The following RORB variants were observed in gnomAD, a reference collection of about 807,000 sequenced individuals.
The protein encoded by RORB is nuclear receptor ROR-beta.
In RORB, 6 loss-of-function variants were observed where a neutral mutation model predicts 59.1. That is an observed-to-expected ratio of 0.10 (90% CI 0.06 to 0.20). The LOEUF (loss-of-function observed/expected upper bound fraction) is 0.20. Ranked by LOEUF, RORB falls within the 10% of genes least tolerant of loss-of-function variation. RORB has a pLI of 1.00. For missense variants in RORB, 320 were observed against 560.5 expected (o/e 0.57, Z 4.33); for synonymous variants, 215 against 204.5 (o/e 1.05, Z -0.44).
At chr9:74,524,793 A>T (rs763358229) in intron 1 of RORB, among the ~76,000 whole-genome samples, 1 of 151,868 alleles carries the variant, frequency 6.6e-6, no homozygotes, top group Non-Finnish European at 1.5e-5. Context: ...TAAAAGTATT[A>T]TATAGCCTGC....
chr9:74,581,100 C>CT (rs1822716386), intron 1 of RORB, among the ~76,000 whole-genome samples: 1 of 152,138 alleles, frequency 6.6e-6, no homozygotes, highest in Non-Finnish European at 1.5e-5. Context: ...CATAATTTCT[C>CT]TGTGTCCCTA....
chr9:74,681,751 C>G (rs937809534), intron 9 of RORB, among the ~76,000 whole-genome samples: 1 of 152,158 alleles, frequency 6.6e-6, no homozygotes. Flanking sequence ...CAGTCACCCT[C>G]TTATACATTT....
chr9:74,560,050 G>A (rs186409752), intron 1 of RORB, among the ~76,000 whole-genome samples: 2 of 152,220 alleles, frequency 1.3e-5, no homozygotes, highest in East Asian at 1.9e-4. Flanking sequence ...AAAAACTAAA[G>A]CAAAGCTATT....
intron 1 of RORB, among the ~76,000 whole-genome samples, chr9:74,593,619 A>G (rs756450706): frequency 5.3e-5 from 8 of 152,178 alleles, no homozygotes; most frequent in African/African-American, 1.2e-4. Flanking sequence ...TTTATTCTAC[A>G]TTACACATAA....
intron 1 of RORB, among the ~76,000 whole-genome samples, chr9:74,597,430 C>T (rs930851366): frequency 1.3e-5 from 2 of 152,206 alleles, no homozygotes; most frequent in African/African-American, 4.8e-5. Context: ...GAAACATGCA[C>T]AGAATAAATG....
intron 1 of RORB, among the ~76,000 whole-genome samples, chr9:74,554,469 T>C (rs913789784): frequency 6.6e-6 from 1 of 151,504 alleles, no homozygotes; most frequent in Non-Finnish European, 1.5e-5. Flanking sequence ...AAAAGCTGCA[T>C]AAATAATGAG....
intron 1 of RORB, among the ~76,000 whole-genome samples, chr9:74,509,078 T>C (rs1014882036): frequency 1.8e-4 from 28 of 152,074 alleles, no homozygotes; most frequent in Non-Finnish European, 1.5e-5. Context: ...ACCAGTGTTT[T>C]GACCACATGA....
At chr9:74,625,364 A>T (rs1823493359) in intron 1 of RORB, among the ~76,000 whole-genome samples, 1 of 152,226 alleles carries the variant, frequency 6.6e-6, no homozygotes, top group Non-Finnish European at 1.5e-5. Flanking sequence ...CTGTAATTCC[A>T]GCCCTTTGGG....
intron 9 of RORB, among the ~76,000 whole-genome samples, chr9:74,684,652 A>G (rs1824607189): frequency 6.6e-6 from 1 of 152,222 alleles, no homozygotes; most frequent in Non-Finnish European, 1.5e-5. Flanking sequence ...TACATGATAC[A>G]TATATCAAAA....
chr9:74,599,742 AGG>A (rs1823025894), intron 1 of RORB, among the ~76,000 whole-genome samples: 1 of 152,226 alleles, frequency 6.6e-6, no homozygotes, highest in South Asian at 2.1e-4. Context: ...GAGTCGTGGC[AGG>A]GCCAGAACTC....
intron 1 of RORB, among the ~76,000 whole-genome samples, chr9:74,526,707 G>A (rs1826160920): frequency 6.6e-6 from 1 of 151,892 alleles, no homozygotes; most frequent in Non-Finnish European, 1.5e-5. Flanking sequence ...TTAAAATTGT[G>A]TAGTTATAAC....
intron 1 of RORB, among the ~76,000 whole-genome samples, chr9:74,514,368 C>T (rs1378895578): frequency 2.0e-5 from 3 of 151,976 alleles, no homozygotes; most frequent in Non-Finnish European, 4.4e-5. Flanking sequence ...GTTGTTCTGA[C>T]ATTGTAGCAT....
At chr9:74,635,113 G>A (rs963088992) in intron 3 of RORB, among the ~76,000 whole-genome samples, 2 of 152,096 alleles carry the variant, frequency 1.3e-5, no homozygotes, top group African/African-American at 4.8e-5. Context: ...AGATAATACC[G>A]GAAAGTCCTA....
chr9:74,503,732 C>G (rs1347838703), intron 1 of RORB, among the ~76,000 whole-genome samples: 2 of 152,000 alleles, frequency 1.3e-5, no homozygotes, highest in East Asian at 3.8e-4. Flanking sequence ...TGAAGGATGT[C>G]TCCTTTGTAG....
intron 1 of RORB, among the ~76,000 whole-genome samples, chr9:74,508,978 T>C (rs1321136769): frequency 2.6e-5 from 4 of 152,038 alleles, no homozygotes; most frequent in East Asian, 1.9e-4. Flanking sequence ...TAATCAACTA[T>C]GGCATTAATA....
chr9:74,601,376 T>C (rs1003590831), intron 1 of RORB, among the ~76,000 whole-genome samples: 2 of 148,622 alleles, frequency 1.3e-5, no homozygotes, highest in Admixed American at 1.3e-4. Context: ...GTGAATTATA[T>C]ATATATTATA....
rs1824743261 is a variant in RORB at position 74,691,699 on chromosome 9, G to C, written c.*6081G>C. ...GACTTTGTAACAATTTTTTTAGAGG[G>C]GGAAAATCAACAAAGAGCAAATATG... On this transcript the variant is annotated 3_prime_UTR_variant, in exon 10 of 10. Transcript: ENST00000376896. 1 of 152,010 alleles carries C rather than the reference G, an allele frequency of 6.6e-6. No homozygotes were observed. The highest frequency in any genetic ancestry group is 2.4e-5 in the African/African-American group (1 of 41,378). The allele number at this position is 152,010 out of a possible 1,614,324, so 9.4% of individuals were successfully genotyped here.
chr9:74,532,983 G>A (rs1178477704), intron 1 of RORB, among the ~76,000 whole-genome samples: 2 of 151,600 alleles, frequency 1.3e-5, no homozygotes, highest in East Asian at 3.9e-4. Flanking sequence ...TAAAAAGTTA[G>A]GAGATTGGGG....
intron 1 of RORB, among the ~76,000 whole-genome samples, chr9:74,622,342 T>C (rs942260033): frequency 1.3e-5 from 2 of 152,104 alleles, no homozygotes; most frequent in Non-Finnish European, 2.9e-5. Context: ...AGCTATCAAG[T>C]AGAGTACATG....
Sources: allele counts gnomAD v4.1 joint callset (sites outside exome capture counted in the v4.1 genomes callset), GRCh38; gene constraint gnomAD v4.1.1; transcripts MANE v1.5; gene names NCBI Gene and HGNC (gene_info 2026-07-23, HGNC 2026-07-21).